The following DPYSL2 variants were observed in gnomAD, a reference collection of about 807,000 sequenced individuals.
DPYSL2 encodes dihydropyrimidinase-related protein 2.
A neutral mutation model predicts 69.9 loss-of-function variants in DPYSL2; 13 were observed. The ratio of observed to expected loss-of-function variants is 0.19; its 90% CI spans 0.12 to 0.30. DPYSL2 has a LOEUF of 0.30. DPYSL2 is among the 10% of genes least tolerant of loss of function. The pLI is 1.00. For missense variants in DPYSL2, 587 were observed against 918.9 expected, an observed-to-expected ratio of 0.64 and a Z score of 4.67; for synonymous variants, 326 against 359.1, an observed-to-expected ratio of 0.91 and a Z score of 1.04.
At chr8:26,570,273 A>G (rs1801215580) in intron 1 of DPYSL2, among the ~76,000 whole-genome samples, 1 of 152,146 alleles carries the variant, frequency 6.6e-6, no homozygotes, top group African/African-American at 2.4e-5. Flanking sequence ...ACTGAGTTAC[A>G]CTGGGTTATG....
In DPYSL2 at chr8:26,565,491, T is replaced by G. The variant is rs7003039; in HGVS notation, c.355-16478T>G. On this transcript the variant is annotated intron_variant, in intron 1 of 13. Coordinates refer to ENST00000521913, the MANE Select transcript of DPYSL2 (RefSeq NM_001197293.3). The surrounding 1 kb of genome is among the most constrained non-coding windows in gnomAD (Gnocchi z 4.1). ...ACTCATCACATCTTGATGATGTGGTTAGGGGATGAGGGCTCAGATAGCCCT... is the reference window on the plus strand; with the variant it reads ...ACTCATCACATCTTGATGATGTGGTGAGGGGATGAGGGCTCAGATAGCCCT... Among the ~76,000 whole-genome samples the G allele has an allele frequency of 0.1, 15,157 of 151,398 alleles. 835 individuals are homozygous for G. Among genetic ancestry groups the G allele is most frequent in the Non-Finnish European group, 0.12 (8,224 of 67,966 alleles).
chr8:26,592,518 C>T (rs931871595), intron 3 of DPYSL2, among the ~76,000 whole-genome samples: 2 of 149,142 alleles, frequency 1.3e-5, no homozygotes, highest in Admixed American at 6.8e-5. Context: ...TCTTGTTGCC[C>T]AGGCTAGAGT....
chr8:26,578,128 G>A, intron 1 of DPYSL2: 4 of 1,555,282 alleles, frequency 2.6e-6, no homozygotes, highest in Non-Finnish European at 3.4e-6. Flanking sequence ...GACCAGCGAA[G>A]CGGTTGCACC....
chr8:26,616,019 A>G (rs1181723276), intron 3 of DPYSL2, among the ~76,000 whole-genome samples: 3 of 152,178 alleles, frequency 2.0e-5, no homozygotes, highest in Non-Finnish European at 2.9e-5. Context: ...CTCTTCAAGC[A>G]TTTCCCATAT....
rs1802448286 is a variant in DPYSL2 at position 26,620,147 on chromosome 8, T to C, written c.629-3996T>C. The C allele has an allele frequency of 6.6e-6, 1 of 152,294 alleles. No individual in the cohort carries two copies. Among genetic ancestry groups the C allele is most frequent in the Admixed American group, 6.5e-5 (1 of 15,276 alleles). The allele number at this position is 152,294 out of a possible 1,614,324, so 9.4% of individuals were successfully genotyped here. A position where few individuals can be genotyped will look rare whatever the true frequency, so the allele number is the denominator to read the frequency against. ...TTTTGGTGATGTTCTAAATCTAGAT[T>C]GTGGTGATGGTTGTAAGGCTTTAGA... On this transcript the variant is annotated intron_variant, in intron 3 of 13. Coordinates refer to ENST00000521913, the MANE Select transcript of DPYSL2 (RefSeq NM_001197293.3). The surrounding 1 kb of genome is among the most constrained non-coding windows in gnomAD (Gnocchi z 4.5).
intron 7 of DPYSL2, among the ~76,000 whole-genome samples, chr8:26,634,428 C>CAT (rs564760766): frequency 5.5e-5 from 5 of 91,146 alleles, no homozygotes; most frequent in East Asian, 3.8e-4. Flanking sequence ...CCATGCCCAG[C>CAT]TTTTTTTTTT....
rs1801642218 is a variant in DPYSL2, at chr8:26,587,967, A to G, written c.628+3984A>G. 6.6e-6 allele frequency among the ~76,000 whole-genome samples: 1 copy of G among 152,154 alleles called. No individual in the cohort carries two copies. The highest frequency in any genetic ancestry group is 1.5e-5 in the Non-Finnish European group (1 of 68,014). On this transcript the variant is annotated intron_variant, in intron 3 of 13. Transcript: ENST00000521913. The surrounding 1 kb of genome is among the most constrained non-coding windows in gnomAD (Gnocchi z 4.2). ...CGTCGGTGCAGGTGGCCAGGTGTGGAACATACACCTGTAGCTCTGGCCTCA... is the reference window on the plus strand; with the variant it reads ...CGTCGGTGCAGGTGGCCAGGTGTGGGACATACACCTGTAGCTCTGGCCTCA...
At chr8:26,607,227 G>A (rs1161794523) in intron 3 of DPYSL2, among the ~76,000 whole-genome samples, 1 of 152,180 alleles carries the variant, frequency 6.6e-6, no homozygotes, top group Non-Finnish European at 1.5e-5. Flanking sequence ...CCTCACGCCT[G>A]TTATCCCAGC....
Position 26,652,421 on chromosome 8 carries a change from C to A in DPYSL2, c.1761C>A (p.Ile587=), listed in dbSNP as rs1200337899. Residue 587 remains isoleucine (I), a synonymous_variant, in exon 12 of 14, where the codon ATC becomes ATA. Coordinates refer to ENST00000521913, the MANE Select transcript of DPYSL2 (RefSeq NM_001197293.3). The surrounding 1 kb of genome is among the most constrained non-coding windows in gnomAD (Gnocchi z 6.3). ...TCCCTGATTTTGTTTACAAGCGTAT[C>A]AAGGCAAGGAGCAGGGTGAGTAGTT... ...KPFPDFVYKR[I]KARSRLAELR... 3 of 1,612,994 alleles carry A rather than the reference C, an allele frequency of 1.9e-6. No individual in the cohort carries two copies. The South Asian group carries it at 3.3e-5, about 18-fold the overall frequency.
Position 26,517,058 on chromosome 8 carries a change from G to A in DPYSL2, c.354+2379G>A, listed in dbSNP as rs150860531. On this transcript the variant is annotated intron_variant, in intron 1 of 13. Coordinates refer to ENST00000521913, the MANE Select transcript of DPYSL2 (RefSeq NM_001197293.3). The surrounding 1 kb of genome is among the most constrained non-coding windows in gnomAD (Gnocchi z 4.2). ...GTGCATTCTAATTGGAAGCCCTGAC[G>A]CAGAGAAAGGTGGGGGAGATTGAGA... Among the ~76,000 whole-genome samples, 76 of 152,286 alleles carry A rather than the reference G, an allele frequency of 5.0e-4. No homozygotes were observed. The highest frequency in any genetic ancestry group is 1.5e-3 in the African/African-American group (61 of 41,570).
intron 11 of DPYSL2, among the ~76,000 whole-genome samples, chr8:26,651,618 A>G (rs1433616513): frequency 2.6e-5 from 4 of 152,194 alleles, no homozygotes; most frequent in Admixed American, 6.5e-5. Flanking sequence ...TCACATCCAT[A>G]TGGAGACCCC....
intron 1 of DPYSL2, among the ~76,000 whole-genome samples, chr8:26,527,091 A>T (rs1223858382): frequency 6.6e-6 from 1 of 152,158 alleles, no homozygotes; most frequent in African/African-American, 2.4e-5. Context: ...ATTAAATATG[A>T]CTGGGGAGTG....
At chr8:26,547,442 C>T (rs1200465537) in intron 1 of DPYSL2, among the ~76,000 whole-genome samples, 2 of 151,954 alleles carry the variant, frequency 1.3e-5, no homozygotes, top group Non-Finnish European at 2.9e-5. Context: ...TACATTGTAT[C>T]CACCCTTCAA....
chr8:26,529,284 TATCTATCTATCTATCTATC>T (rs1245788326), intron 1 of DPYSL2, among the ~76,000 whole-genome samples: 2 of 77,292 alleles, frequency 2.6e-5, no homozygotes, highest in African/African-American at 7.7e-5. Flanking sequence ...ATCATCTATC[TATCTATCTATCTATCTATC>T]ATCTATCTAT....
At position 26,640,644 on chromosome 8, in the gene DPYSL2, G is replaced by C. The variant is rs535863091; in HGVS notation, c.1127-2795G>C. Among the ~76,000 whole-genome samples the C allele has an allele frequency of 3.9e-5, 6 of 152,218 alleles. No individual in the cohort carries two copies. Among genetic ancestry groups the C allele is most frequent in the African/African-American group, 1.4e-4 (6 of 41,522 alleles). On this transcript the variant is annotated intron_variant, in intron 8 of 13. Coordinates refer to ENST00000521913, the MANE Select transcript of DPYSL2 (RefSeq NM_001197293.3). The surrounding 1 kb of genome is among the most constrained non-coding windows in gnomAD (Gnocchi z 4.2). ...ATACTCTTGTGGAGGTAGAGGCCTG[G>C]AACATGATGGCTAAACTCCTGTCGC... is the stretch of plus-strand genomic sequence containing the variant.
rs1802191727 is a variant in DPYSL2 at position 26,609,990 on chromosome 8, TG to T, written c.629-14152del. On this transcript the variant is annotated intron_variant, in intron 3 of 13. Transcript: ENST00000521913. The surrounding 1 kb of genome is among the most constrained non-coding windows in gnomAD (Gnocchi z 6.5). ...ATACACACACGTACACACTCACCCA[TG>T]TGCACACACACAGGCACACACATGA... Among the ~76,000 whole-genome samples, 1 of 152,166 alleles carries T rather than the reference TG, an allele frequency of 6.6e-6. No homozygotes were observed. The highest frequency in any genetic ancestry group is 2.4e-5 in the African/African-American group (1 of 41,438).
In DPYSL2 at chr8:26,582,921, T is replaced by C. The variant is rs1295705084; in HGVS notation, c.443+864T>C. 6.6e-6 allele frequency among the ~76,000 whole-genome samples: 1 copy of C among 152,212 alleles called. No homozygotes were observed. The highest frequency in any genetic ancestry group is 1.5e-5 in the Non-Finnish European group (1 of 68,044). ...TATGAACCTAAAATAGATTTTAACA[T>C]TTCCACGTTTAATGTTTTCTCCATG... On this transcript the variant is annotated intron_variant, in intron 2 of 13. Transcript: ENST00000521913. This position sits in a 1 kb window ranked among gnomAD's most constrained non-coding sequence, Gnocchi z 4.1.
At chr8:26,613,152 G>A (rs577806148) in intron 3 of DPYSL2, among the ~76,000 whole-genome samples, 14 of 152,322 alleles carry the variant, frequency 9.2e-5, no homozygotes, top group Non-Finnish European at 1.9e-4. Context: ...GGGGAGCTAG[G>A]GTTGTGCCTG....
At chr8:26,575,724 T>C (rs544214865) in intron 1 of DPYSL2, among the ~76,000 whole-genome samples, 3 of 152,316 alleles carry the variant, frequency 2.0e-5, no homozygotes, top group Admixed American at 1.3e-4. Context: ...AATAACAAGA[T>C]ATATTTAAAC....
Sources: gnomAD v4.1 joint callset for allele counts (sites outside exome capture counted in the v4.1 genomes callset) on GRCh38, gnomAD v4.1.1 for gene constraint, Gnocchi (gnomAD v3.1) non-coding constraint, MANE v1.5 for transcripts, NCBI Gene and HGNC (gene_info 2026-07-23, HGNC 2026-07-21) for gene names.